The following SLC1A6 variants were observed in gnomAD, a reference collection of about 807,000 sequenced individuals.
SLC1A6 encodes the protein solute carrier family 1 member 6.
Under a neutral mutation model 42.1 loss-of-function variants are expected in SLC1A6, and 15 were observed. That is an observed-to-expected ratio of 0.36 (90% CI 0.24 to 0.55). The LOEUF is 0.55. SLC1A6 is among the 20% of genes least tolerant of loss of function. The pLI, the probability that SLC1A6 is intolerant of heterozygous loss-of-function variation, is 0.88. For synonymous variants in SLC1A6, 317 were observed against 319.7 expected (o/e 0.99, Z 0.09); for missense variants, 542 against 772.5 (o/e 0.70, Z 3.54).
At chr19:14,983,910 G>C (rs2045780446), upstream of SLC1A6, among the ~76,000 whole-genome samples, 1 of 151,942 alleles carries the variant, frequency 6.6e-6, no homozygotes, top group South Asian at 2.1e-4. Context: ...ATAAAACAAA[G>C]TATATATCAG....
At position 14,961,982 on chromosome 19, in the gene SLC1A6, G is replaced by A; in HGVS notation, c.935+20C>T. 1 of 1,590,050 alleles carries A rather than the reference G, an allele frequency of 6.3e-7. No homozygotes were observed. Among genetic ancestry groups the A allele is most frequent in the Non-Finnish European group, 8.6e-7 (1 of 1,165,842 alleles). On this transcript the variant is annotated intron_variant, in intron 6 of 9. Coordinates refer to ENST00000594383, the MANE Select transcript of SLC1A6 (RefSeq NM_005071.3). ...CCCAGCTCTGGCTCCACCATCCCGT[G>A]GGCACAGACCAGGACTCACCAGATA...
chr19:14,951,770 G>A (rs1049844690), intron 9 of SLC1A6, among the ~76,000 whole-genome samples: 2 of 151,978 alleles, frequency 1.3e-5, no homozygotes, highest in African/African-American at 2.4e-5. Context: ...TGCCCACCTC[G>A]GCCTCCCAAA....
rs1599975208 is a variant in SLC1A6, at chr19:14,951,275, A to AAAGAT, written c.1500-886_1500-885insATCTT. On this transcript the variant is annotated intron_variant, in intron 9 of 9. Coordinates refer to ENST00000594383, the MANE Select transcript of SLC1A6 (RefSeq NM_005071.3). Reference sequence around the variant, plus strand: ...TCACAAAAAAAAAAAAAAAAAAAAAAAAAGAAAGAAAAGAAAAAAATGAAC... The same window carrying AAAGAT: ...TCACAAAAAAAAAAAAAAAAAAAAAAAAGATAAAGAAAGAAAAGAAAAAAATGAAC... Among the ~76,000 whole-genome samples the AAAGAT allele has an allele frequency of 4.5e-5, 6 of 132,764 alleles. No individual in the cohort carries two copies. The East Asian group carries it at 1.2e-3, about 27-fold the overall frequency. 87.1% of individuals were successfully genotyped at this position (132,764 alleles called of 152,430 possible).
intron 8 of SLC1A6, among the ~76,000 whole-genome samples, chr19:14,953,780 C>A (rs1432439137): frequency 6.6e-6 from 1 of 151,940 alleles, no homozygotes; most frequent in Non-Finnish European, 1.5e-5. Context: ...GATGATGGGA[C>A]CTATAAATAC....
In SLC1A6 at chr19:14,952,913, C is replaced by T. The variant is rs759010572; in HGVS notation, c.1499+15G>A. ...AGAAGCAGGAGCACCAGGGTCCAGC[C>T]TAGAGAACACTCACAGGAACCAGTC... On this transcript the variant is annotated intron_variant, in intron 9 of 9. Transcript: ENST00000594383. 8 of 1,612,602 alleles carry T rather than the reference C, an allele frequency of 5.0e-6. No homozygotes were observed. Among genetic ancestry groups the T allele is most frequent in the Non-Finnish European group, 6.8e-6 (8 of 1,179,144 alleles).
At chr19:14,981,222 A>C (rs190422890), upstream of SLC1A6, among the ~76,000 whole-genome samples, 3 of 152,000 alleles carry the variant, frequency 2.0e-5, no homozygotes, top group Admixed American at 2.0e-4. Context: ...GAGCTTAGGA[A>C]TTTGAGGTTA....
chr19:15,005,724 T>C lies in SLC1A6; in HGVS notation c.6+4761A>G, dbSNP rs149237713. ...ACCAATTTCAATGCTTAGATAATAG[T>C]ATCATATACTAGCAGCGTGTTGGTG... On this transcript the variant is annotated intron_variant, in intron 1 of 8. Transcript: ENST00000430939. 7.2e-5 allele frequency among the ~76,000 whole-genome samples: 11 copies of C among 152,314 alleles called. 1 individual carries two copies. In the East Asian group the frequency reaches 2.1e-3, roughly 29 times the overall value.
intron 1 of SLC1A6, among the ~76,000 whole-genome samples, chr19:15,009,912 G>A (rs2045916336): frequency 6.6e-6 from 1 of 152,134 alleles, no homozygotes; most frequent in Non-Finnish European, 1.5e-5. Flanking sequence ...AGGCGTGGTG[G>A]CTCACGCCTG....
intron 6 of SLC1A6, 145 bp from the exon 7 acceptor site, chr19:14,956,854 C>T (rs34797512): frequency 5.1e-6 from 3 of 584,948 alleles, no homozygotes; most frequent in Non-Finnish European, 9.1e-6. Context: ...TCCCAGTCTT[C>T]CCCGTACACT....
Position 14,956,712 on chromosome 19 carries a change from G to A in SLC1A6, c.936-3C>T, listed in dbSNP as rs376195554. 4 of 1,593,396 alleles carry A rather than the reference G, an allele frequency of 2.5e-6. No individual in the cohort carries two copies. Among genetic ancestry groups the A allele is most frequent in the Non-Finnish European group, 3.4e-6 (4 of 1,164,628 alleles). On this transcript the variant is annotated splice_polypyrimidine_tract_variant and splice_region_variant and intron_variant, in intron 6 of 9. Coordinates refer to ENST00000594383, the MANE Select transcript of SLC1A6 (RefSeq NM_005071.3). ...ACAGGATGCCCACAGGTGCATACCT[G>A]TGTGAGGGAGCCACATACCTGTCAG...
intron 1 of SLC1A6, among the ~76,000 whole-genome samples, chr19:14,989,151 C>T (rs779666144): frequency 6.6e-6 from 1 of 152,114 alleles, no homozygotes; most frequent in Non-Finnish European, 1.5e-5. Context: ...TGAGACACTA[C>T]CTGTTAGGTA....
chr19:15,004,362 G>A (rs1336977174), intron 1 of SLC1A6, among the ~76,000 whole-genome samples: 1 of 151,956 alleles, frequency 6.6e-6, no homozygotes, highest in African/African-American at 2.4e-5. Context: ...GAAATGGTTA[G>A]AGTGAAATCA....
At chr19:14,984,518 C>T (rs1490311200), upstream of SLC1A6, among the ~76,000 whole-genome samples, 2 of 152,190 alleles carry the variant, frequency 1.3e-5, no homozygotes, top group Non-Finnish European at 2.9e-5. Flanking sequence ...ATCAGCTTTT[C>T]AGGTAACTGT....
Position 14,971,894 on chromosome 19 carries a change from TCCA to T in SLC1A6, c.206-23_206-21del. On this transcript the variant is annotated intron_variant, in intron 2 of 9. Transcript: ENST00000594383. ...TGACCCCTAGGGCCAAAAGAAGGGG[TCCA>T]TGGACTGAAGTCTGGGTCGCTCAGC... The T allele has an allele frequency of 6.2e-7, 1 of 1,613,400 alleles. No homozygotes were observed. The highest frequency in any genetic ancestry group is 8.5e-7 in the Non-Finnish European group (1 of 1,179,690).
upstream of SLC1A6, among the ~76,000 whole-genome samples, chr19:14,983,286 T>C (rs1386797708): frequency 1.3e-5 from 2 of 152,208 alleles, no homozygotes; most frequent in African/African-American, 2.4e-5. Flanking sequence ...CTAACTTTCA[T>C]GTTTTTTGTT....
chr19:14,980,056 G>A (rs893104983), upstream of SLC1A6: 3 of 152,356 alleles, frequency 2.0e-5, no homozygotes, highest in Non-Finnish European at 1.5e-5. Flanking sequence ...GCCTGGGGAA[G>A]GCGCGGCTCT....
At chr19:15,010,505 C>A (rs1357093189) in exon 1 of SLC1A6, 1 of 575,096 alleles carries the variant, frequency 1.7e-6, no homozygotes, top group East Asian at 3.9e-5. Context: ...CAGAGTGTGA[C>A]CTGGACAGCT....
chr19:15,004,086 G>C (rs2045885152), intron 1 of SLC1A6, among the ~76,000 whole-genome samples: 1 of 152,142 alleles, frequency 6.6e-6, no homozygotes, highest in Non-Finnish European at 1.5e-5. Flanking sequence ...AACCCAGGAG[G>C]AGGAGGTTGC....
At chr19:14,953,194 CAGAG>C (rs1156424545) in intron 8 of SLC1A6, 132 bp from the exon 9 acceptor site, 1 of 685,056 alleles carries the variant, frequency 1.5e-6, no homozygotes. Flanking sequence ...AAGCCAGACA[CAGAG>C]AGAAAAATAC....
Sources: allele counts gnomAD v4.1 joint callset (sites outside exome capture counted in the v4.1 genomes callset), GRCh38; gene constraint gnomAD v4.1.1; transcripts MANE v1.5; gene names NCBI Gene and HGNC (gene_info 2026-07-23, HGNC 2026-07-21).